Variants in ATL2 observed in about 807,000 individuals in gnomAD.
The protein encoded by ATL2 is atlastin-2.
Under a neutral mutation model 73.9 loss-of-function variants are expected in ATL2, and 31 were observed. That is an observed-to-expected ratio of 0.42 (90% CI 0.32 to 0.57). The LOEUF is 0.57. Ranked by LOEUF, ATL2 falls within the 20% of genes least tolerant of loss-of-function variation. ATL2 has a pLI of 0.14. For synonymous variants in ATL2, 291 were observed against 237.5 expected (o/e 1.23, Z -2.07); for missense variants, 738 against 702.6 (o/e 1.05, Z -0.57).
chr2:38,364,649 A>T (rs1671201649), intron 1 of ATL2, among the ~76,000 whole-genome samples: 2 of 152,242 alleles, frequency 1.3e-5, no homozygotes, highest in Non-Finnish European at 2.9e-5. Context: ...TGACTCTAAG[A>T]GCTCCAAGAT....
intron 6 of ATL2, among the ~76,000 whole-genome samples, 179 bp from the exon 7 acceptor site, chr2:38,313,422 T>C (rs1667861679): frequency 6.6e-6 from 1 of 152,134 alleles, no homozygotes; most frequent in African/African-American, 2.4e-5. Context: ...AACAACATTC[T>C]CAGGCCCTAT....
upstream of ATL2, among the ~76,000 whole-genome samples, chr2:38,378,522 C>T (rs1220113707): frequency 5.3e-5 from 8 of 152,218 alleles, no homozygotes; most frequent in Admixed American, 3.3e-4. Flanking sequence ...CAGGCGTGAG[C>T]CACTGCGCCC....
At chr2:38,299,209 T>A (rs1237251763) in intron 11 of ATL2, 47 bp downstream of exon 11, 5 of 1,456,636 alleles carry the variant, frequency 3.4e-6, no homozygotes, top group Non-Finnish European at 4.5e-6. Context: ...TTTTTTAATT[T>A]AAAAATCTTC....
intron 2 of ATL2, among the ~76,000 whole-genome samples, chr2:38,338,364 C>T (rs1229672167): frequency 6.6e-6 from 1 of 152,080 alleles, no homozygotes; most frequent in East Asian, 1.9e-4. Context: ...CGCTCAATAC[C>T]TGGGTGACAA....
intron 1 of ATL2, among the ~76,000 whole-genome samples, chr2:38,354,679 T>C (rs185753604): frequency 1.8e-4 from 27 of 151,900 alleles, no homozygotes; most frequent in East Asian, 3.9e-4. Flanking sequence ...CACCTGAGGT[T>C]GAGAGTTCGA....
intron 2 of ATL2, among the ~76,000 whole-genome samples, chr2:38,340,278 T>G (rs2148479504): frequency 6.6e-6 from 1 of 151,656 alleles, no homozygotes; most frequent in South Asian, 2.1e-4. Context: ...ATGTAAAATT[T>G]CATCAAGCTG....
At chr2:38,371,145 T>C (rs1163562279) in intron 1 of ATL2, among the ~76,000 whole-genome samples, 9 of 151,876 alleles carry the variant, frequency 5.9e-5, no homozygotes, top group Admixed American at 5.9e-4. Flanking sequence ...GGAGTTTCTT[T>C]ATAGAAGGCT....
At chr2:38,341,256 A>T (rs1669699117) in intron 2 of ATL2, among the ~76,000 whole-genome samples, 1 of 152,220 alleles carries the variant, frequency 6.6e-6, no homozygotes, top group East Asian at 1.9e-4. Context: ...ATCCTTTATC[A>T]TCTTTAAATG....
chr2:38,344,805 G>C (rs1573536732), intron 1 of ATL2, among the ~76,000 whole-genome samples: 2 of 152,248 alleles, frequency 1.3e-5, no homozygotes, highest in African/African-American at 4.8e-5. Context: ...GAGTCAGTGA[G>C]ATGCATTTAT....
chr2:38,373,875 T>C (rs151063859), intron 1 of ATL2, among the ~76,000 whole-genome samples: 1 of 152,180 alleles, frequency 6.6e-6, no homozygotes, highest in Non-Finnish European at 1.5e-5. Context: ...TATTTTCAGG[T>C]TGGTACTTTC....
intron 1 of ATL2, chr2:38,358,621 G>A (rs768163553): frequency 1.2e-5 from 3 of 246,990 alleles, no homozygotes; most frequent in Middle Eastern, 1.5e-3. Context: ...GGACCCAAGA[G>A]GCGGAGCTTG....
At chr2:38,370,150 C>CAAAAAAAAA (rs962952444) in intron 1 of ATL2, among the ~76,000 whole-genome samples, 6 of 43,914 alleles carry the variant, frequency 1.4e-4, no homozygotes, top group African/African-American at 6.6e-4. Flanking sequence ...GAGACTCCGT[C>CAAAAAAAAA]AAAAAAAAAA....
intron 2 of ATL2, among the ~76,000 whole-genome samples, chr2:38,331,581 C>G (rs1436328436): frequency 1.4e-5 from 2 of 147,658 alleles, no homozygotes; most frequent in African/African-American, 5.1e-5. Context: ...CCACTGCACT[C>G]CAGCCTGGGC....
chr2:38,328,519 C>G (rs907805215), intron 2 of ATL2, among the ~76,000 whole-genome samples: 1 of 152,058 alleles, frequency 6.6e-6, no homozygotes. Context: ...AAATCAGTAA[C>G]AGAAACACAG....
chr2:38,312,525 A>G (rs1422141138), intron 7 of ATL2, among the ~76,000 whole-genome samples: 1 of 152,104 alleles, frequency 6.6e-6, no homozygotes, highest in Non-Finnish European at 1.5e-5. Flanking sequence ...CCTGGCCAAC[A>G]TGGTGAAACC....
chr2:38,374,918 T>TGTGCACTCGA (rs1671876732), intron 1 of ATL2, among the ~76,000 whole-genome samples: 1 of 152,250 alleles, frequency 6.6e-6, no homozygotes, highest in South Asian at 2.1e-4. Flanking sequence ...AAGGCCATAA[T>TGTGCACTCGA]CTTATTTTCA....
At chr2:38,334,483 C>CT in intron 2 of ATL2, among the ~76,000 whole-genome samples, 1 of 151,856 alleles carries the variant, frequency 6.6e-6, no homozygotes, top group East Asian at 2.0e-4. Context: ...GGGCGGATCA[C>CT]CTGAGGCCAG....
intron 2 of ATL2, among the ~76,000 whole-genome samples, chr2:38,334,093 G>A (rs552200586): frequency 7.1e-6 from 1 of 141,668 alleles, no homozygotes; most frequent in Non-Finnish European, 1.5e-5. Flanking sequence ...ACAGTGGCAT[G>A]GTCTCAGCTC....
intron 1 of ATL2, among the ~76,000 whole-genome samples, chr2:38,361,006 A>C (rs1670981992): frequency 6.6e-6 from 1 of 152,140 alleles, no homozygotes; most frequent in African/African-American, 2.4e-5. Flanking sequence ...TTAATGCATA[A>C]GATCTAAATA....
Sources: gnomAD v4.1 joint callset for allele counts (sites outside exome capture counted in the v4.1 genomes callset) on GRCh38, gnomAD v4.1.1 for gene constraint, MANE v1.5 for transcripts, NCBI Gene and HGNC (gene_info 2026-07-23, HGNC 2026-07-21) for gene names.